KRT14: variants seen among roughly 807,000 people sequenced by gnomAD.
The protein encoded by KRT14 is keratin 14, also known as keratin, type I cytoskeletal 14.
KRT14 carries 30 observed loss-of-function variants against 44.5 expected under a neutral mutation model. The observed-to-expected ratio is 0.67, with a 90% CI of 0.50 to 0.92. The LOEUF is 0.92. Ranked by LOEUF, KRT14 falls within the 40% of genes least tolerant of loss-of-function variation. The pLI, the probability that KRT14 is intolerant of heterozygous loss-of-function variation, is 0.00. For synonymous variants in KRT14, 241 were observed against 257.6 expected (o/e 0.94, Z 0.62); for missense variants, 535 against 640.6 (o/e 0.84, Z 1.78).
At chr17:41,582,775 C>T in intron 7 of KRT14, 2 of 605,654 alleles carry the variant, frequency 3.3e-6, no homozygotes, top group Non-Finnish European at 5.9e-6. Context: ...TAAGAGCTCA[C>T]ACCTGGCTGG....
chr17:41,582,569 G>A, intron 7 of KRT14, 37 bp from the exon 8 acceptor site: 1 of 1,506,134 alleles, frequency 6.6e-7, no homozygotes, highest in Non-Finnish European at 9.0e-7. Context: ...TACCAGAGGT[G>A]GACAGACAAT....
rs1907407512 is a variant in KRT14, at chr17:41,583,434, G to T, written c.1075C>A (p.Leu359Met). The change falls in exon 6 of 8, where the codon CTG (leucine) becomes ATG (methionine). Residue 359 changes from leucine (L) to methionine (M), a missense_variant. By Grantham distance (15) the Leu-to-Met change is conservative. Coordinates refer to ENST00000167586, the MANE Select transcript of KRT14 (RefSeq NM_000526.5). ...CAGTAGCGACCTTTGGTCTCCTCCAGGCTGTTCTCCAGGGATGCTTTCTGT... is the reference window on the plus strand; with the variant it reads ...CAGTAGCGACCTTTGGTCTCCTCCATGCTGTTCTCCAGGGATGCTTTCTGT... ...LSMKASLENS[L>M]EETKGRYCMQ... The T allele has an allele frequency of 6.2e-7, 1 of 1,614,140 alleles. No homozygotes were observed. The highest frequency in any genetic ancestry group is 8.5e-7 in the Non-Finnish European group (1 of 1,180,046).
At position 41,586,562 on chromosome 17, in the gene KRT14, G is replaced by A; in HGVS notation, c.273C>T (p.Gly91=). 1.9e-6 allele frequency: 3 copies of A among 1,613,914 alleles called. No individual in the cohort carries two copies. The highest frequency in any genetic ancestry group is 2.5e-6 in the Non-Finnish European group (3 of 1,179,858). ...AGCCACCACCCAAGCCAGCACCAAG[G>A]CCACCACCATATCCTCCCCCAAAGC... ...GSGFGGGYGG[G]LGAGLGGGFG... The change falls in exon 1 of 8, where the codon GGC becomes GGT. Residue 91 remains glycine, a synonymous_variant. Coordinates refer to ENST00000167586, the MANE Select transcript of KRT14 (RefSeq NM_000526.5).
Position 41,583,506 on chromosome 17 carries a change from C to A in KRT14, c.1053+45G>T. On this transcript the variant is annotated intron_variant, in intron 5 of 7. Coordinates refer to ENST00000167586, the MANE Select transcript of KRT14 (RefSeq NM_000526.5). Reference sequence around the variant, plus strand: ...CGATTAGTGAGTGTGGCCGTTCTCTCCCTGCCAGTCCTGGGTGCACCACCC... The same window carrying A: ...CGATTAGTGAGTGTGGCCGTTCTCTACCTGCCAGTCCTGGGTGCACCACCC... 10 of 1,614,198 alleles carry A rather than the reference C, an allele frequency of 6.2e-6. 1 individual carries two copies. The South Asian group carries it at 6.6e-5, about 11-fold the overall frequency.
intron 7 of KRT14, chr17:41,582,863 C>T: frequency 1.6e-6 from 1 of 613,084 alleles, no homozygotes; most frequent in Non-Finnish European, 2.9e-6. Context: ...CTGACCACAA[C>T]AGCAATAGGA....
rs1269427556 is a variant in KRT14 at position 41,583,881 on chromosome 17, T to C, written c.806A>G (p.Asn269Ser). 3.7e-6 allele frequency: 6 copies of C among 1,613,850 alleles called. No individual in the cohort carries two copies. Among genetic ancestry groups the C allele is most frequent in the Non-Finnish European group, 4.2e-6 (5 of 1,179,962 alleles). The change falls in exon 4 of 8, where the codon AAT becomes AGT. Residue 269 changes from asparagine to serine, a missense_variant. Physicochemically the swap from Asn to Ser is conservative, Grantham distance 46 (BLOSUM62 1). Transcript: ENST00000167586. ...GCCAGGTGCAGCGTCCATCTCCACA[T>C]TGACATCTCCACCCACCTGGCCTCT... ...ALRGQVGGDV[N>S]VEMDAAPGVD...
At chr17:41,584,859 C>G in intron 2 of KRT14, 116 bp downstream of exon 2, 3 of 781,992 alleles carry the variant, frequency 3.8e-6, no homozygotes, top group African/African-American at 1.7e-5. Flanking sequence ...TATAAGCACC[C>G]CAGGGAGTTT....
chr17:41,585,782 C>T (rs1377328425), intron 1 of KRT14, among the ~76,000 whole-genome samples: 2 of 152,266 alleles, frequency 1.3e-5, no homozygotes, highest in East Asian at 3.8e-4. Context: ...CTAATTGTCT[C>T]TGCAGGCTCT....
chr17:41,582,556 C>T (rs1907371194), intron 7 of KRT14, 24 bp from the exon 8 acceptor site: 7 of 1,538,546 alleles, frequency 4.5e-6, no homozygotes, highest in East Asian at 2.4e-5. Context: ...GGGAAGAGGA[C>T]GTTACCAGAG....
At chr17:41,585,277 T>C (rs1376219732) in intron 1 of KRT14, among the ~76,000 whole-genome samples, 1 of 152,190 alleles carries the variant, frequency 6.6e-6, no homozygotes, top group Non-Finnish European at 1.5e-5. Context: ...GCCCCGGGCT[T>C]AGAATCGAAA....
Position 41,586,587 on chromosome 17 carries a change from C to G in KRT14, c.248G>C (p.Gly83Ala), listed in dbSNP as rs746395789. Residue 83 changes from glycine to alanine, a missense_variant, in exon 1 of 8, where the codon GGC becomes GCC. Coordinates refer to ENST00000167586, the MANE Select transcript of KRT14 (RefSeq NM_000526.5). The stretch of plus-strand genomic sequence containing the variant: ...GCCACCACCATATCCTCCCCCAAAG[C>G]CACTACCAAAGCTGCTGCTGCTGCT... ...FSSSSSSFGS[G>A]FGGGYGGGLG... 1.9e-6 allele frequency: 3 copies of G among 1,613,906 alleles called. No individual in the cohort carries two copies. In the African/African-American group the frequency reaches 4.0e-5, roughly 22 times the overall value.
Position 41,584,208 on chromosome 17 carries a change from C to A in KRT14, c.765+49G>T, listed in dbSNP as rs573472851. ...GGACTATGGGCACGCACCACTGTAC[C>A]CAGCCTCCCTGCATTTCTTTTAAGC... On this transcript the variant is annotated intron_variant, in intron 3 of 7. Coordinates refer to ENST00000167586, the MANE Select transcript of KRT14 (RefSeq NM_000526.5). 4.0e-5 allele frequency: 64 copies of A among 1,603,276 alleles called. 2 individuals carry two copies. The South Asian group carries it at 6.9e-4, about 17-fold the overall frequency.
In KRT14 at chr17:41,583,644, G is replaced by A; in HGVS notation, c.960C>T (p.Asn320=). Reference sequence around the variant, plus strand: ...TCTTGCCGCTCTGCACCAGCTCGCTGTTGGTGGCCACCTCGCGGTTCAGCT... The same window carrying A: ...TCTTGCCGCTCTGCACCAGCTCGCTATTGGTGGCCACCTCGCGGTTCAGCT... The part of the protein sequence containing the change: ...TEELNREVAT[N]SELVQSGKSE... The change falls in exon 5 of 8, where the codon AAC becomes AAT. Residue 320 remains asparagine, a synonymous_variant. Coordinates refer to ENST00000167586, the MANE Select transcript of KRT14 (RefSeq NM_000526.5). 6.2e-7 allele frequency: 1 copy of A among 1,614,216 alleles called. No homozygotes were observed. Among genetic ancestry groups the A allele is most frequent in the Non-Finnish European group, 8.5e-7 (1 of 1,180,040 alleles).
At chr17:41,585,601 T>G (rs1907500680) in intron 1 of KRT14, among the ~76,000 whole-genome samples, 1 of 152,204 alleles carries the variant, frequency 6.6e-6, no homozygotes, top group South Asian at 2.1e-4. Flanking sequence ...CTGAGTCTGG[T>G]TGGATTTCCC....
chr17:41,582,566 G>A (rs1320520272), intron 7 of KRT14, 34 bp from the exon 8 acceptor site: 6 of 1,516,672 alleles, frequency 4.0e-6, no homozygotes, highest in East Asian at 2.4e-5. Context: ...CGTTACCAGA[G>A]GTGGACAGAC....
chr17:41,584,265 G>T lies in KRT14; in HGVS notation c.757C>A (p.His253Asn). The T allele has an allele frequency of 6.2e-7, 1 of 1,613,536 alleles. No homozygotes were observed. The highest frequency in any genetic ancestry group is 8.5e-7 in the Non-Finnish European group (1 of 1,179,876). Reference protein sequence around the residue: ...KEELAYLKKNHEEEMNALRGQ... With the variant: ...KEELAYLKKNNEEEMNALRGQ... The stretch of plus-strand genomic sequence containing the variant: ...TTCCATATAGTTCTCACCTCCTCGT[G>T]GTTCTTCTTCAGGTAGGCCAGCTCC... Residue 253 changes from histidine to asparagine, a missense_variant, in exon 3 of 8, where the codon CAC (histidine) becomes AAC (asparagine). Coordinates refer to ENST00000167586, the MANE Select transcript of KRT14 (RefSeq NM_000526.5).
At chr17:41,584,921 A>G (rs1192856946) in intron 2 of KRT14, 54 bp downstream of exon 2, 1 of 1,385,496 alleles carries the variant, frequency 7.2e-7, no homozygotes, top group African/African-American at 1.4e-5. Context: ...CACTGCTCCA[A>G]AAATGCCCTA....
intron 6 of KRT14, 29 bp downstream of exon 6, chr17:41,583,206 G>A (rs2070671): frequency 2.7e-5 from 43 of 1,612,936 alleles, no homozygotes; most frequent in South Asian, 8.8e-5. Flanking sequence ...CCATGGGGGG[G>A]GCGGACTAAG....
Position 41,582,545 on chromosome 17 carries a change from T to C in KRT14, c.1322-13A>G, listed in dbSNP as rs2001185. The stretch of plus-strand genomic sequence containing the variant: ...CTGGAGGAGGTCACTGGGGAAGAGG[T>C]GGGAAGAGGACGTTACCAGAGGTGG... On this transcript the variant is annotated splice_polypyrimidine_tract_variant and intron_variant, in intron 7 of 7. Transcript: ENST00000167586. 184,807 of 1,552,686 alleles carry C rather than the reference T, an allele frequency of 0.12. 13,282 individuals are homozygous for C. Among genetic ancestry groups the C allele is most frequent in the African/African-American group, 0.34 (24,680 of 73,186 alleles).
Sources: gnomAD v4.1 joint callset for allele counts (sites outside exome capture counted in the v4.1 genomes callset) on GRCh38, gnomAD v4.1.1 for gene constraint, MANE v1.5 for transcripts, NCBI Gene and HGNC (gene_info 2026-07-23, HGNC 2026-07-21) for gene names.